Variants in HS6ST3 observed in about 807,000 individuals in gnomAD.
HS6ST3 encodes the protein heparan sulfate 6-O-sulfotransferase 3.
HS6ST3 carries 12 observed loss-of-function variants against 36.7 expected under a neutral mutation model. The observed-to-expected ratio is 0.33, with a 90% CI of 0.21 to 0.53. The LOEUF is 0.53. Among genes scored for constraint, HS6ST3 ranks in the 20% least tolerant of loss-of-function variants. HS6ST3 has a pLI of 0.95. For synonymous variants in HS6ST3, 240 were observed against 257.5 expected, an observed-to-expected ratio of 0.93 and a Z score of 0.65; for missense variants, 584 against 640.9, an observed-to-expected ratio of 0.91 and a Z score of 0.96.
chr13:96,645,909 G>C (rs972438221), intron 1 of HS6ST3, among the ~76,000 whole-genome samples: 1 of 151,824 alleles, frequency 6.6e-6, no homozygotes, highest in Non-Finnish European at 1.5e-5. Context: ...TGTTTACCCA[G>C]TGGTCTACTT....
chr13:96,813,674 T>C (rs192081165), intron 1 of HS6ST3, among the ~76,000 whole-genome samples: 10 of 152,294 alleles, frequency 6.6e-5, no homozygotes, highest in Admixed American at 3.9e-4. Context: ...AACATTCACA[T>C]CTGGCCTTCA....
chr13:96,224,951 T>G (rs1237501109), intron 1 of HS6ST3, among the ~76,000 whole-genome samples: 1 of 152,226 alleles, frequency 6.6e-6, no homozygotes, highest in Non-Finnish European at 1.5e-5. Context: ...GCATTGTTAC[T>G]GGGAGTGTGT....
At chr13:96,387,417 T>C (rs1236478565) in intron 1 of HS6ST3, among the ~76,000 whole-genome samples, 1 of 152,234 alleles carries the variant, frequency 6.6e-6, no homozygotes, top group Non-Finnish European at 1.5e-5. Context: ...GATTAGATGG[T>C]TGAGCCATAA....
intron 1 of HS6ST3, among the ~76,000 whole-genome samples, chr13:96,182,338 A>G (rs1231804066): frequency 6.6e-6 from 1 of 152,218 alleles, no homozygotes. Context: ...GCTGGGCCAT[A>G]AAGGCGATGT....
intron 1 of HS6ST3, among the ~76,000 whole-genome samples, chr13:96,147,186 A>G (rs2054062262): frequency 6.6e-6 from 1 of 152,256 alleles, no homozygotes; most frequent in Non-Finnish European, 1.5e-5. Context: ...GGATTAGCTC[A>G]ATTATTAATC....
intron 1 of HS6ST3, among the ~76,000 whole-genome samples, chr13:96,308,955 A>G (rs2054927048): frequency 6.6e-6 from 1 of 152,160 alleles, no homozygotes; most frequent in Non-Finnish European, 1.5e-5. Context: ...AGCGTTAAGG[A>G]GAGAAATTAT....
chr13:96,170,756 G>T (rs1401029683), intron 1 of HS6ST3, among the ~76,000 whole-genome samples: 1 of 152,194 alleles, frequency 6.6e-6, no homozygotes, highest in Non-Finnish European at 1.5e-5. Context: ...CACAGGAAGT[G>T]GTAGAAATGC....
chr13:96,825,573 G>A (rs1878630497), intron 1 of HS6ST3, among the ~76,000 whole-genome samples: 1 of 152,140 alleles, frequency 6.6e-6, no homozygotes, highest in Non-Finnish European at 1.5e-5. Flanking sequence ...GCTGCTGAAT[G>A]TCTCCTGTGA....
chr13:96,155,350 A>T (rs2054105479), intron 1 of HS6ST3, among the ~76,000 whole-genome samples: 1 of 151,776 alleles, frequency 6.6e-6, no homozygotes, highest in Non-Finnish European at 1.5e-5. Flanking sequence ...TAACAAAAAA[A>T]ACAGCTTTTC....
chr13:96,775,354 G>A (rs1445649859), intron 1 of HS6ST3, among the ~76,000 whole-genome samples: 1 of 151,838 alleles, frequency 6.6e-6, no homozygotes, highest in Non-Finnish European at 1.5e-5. Context: ...AATGTAAACA[G>A]GTTAAATGCC....
chr13:96,823,818 C>T (rs1346683788), intron 1 of HS6ST3, among the ~76,000 whole-genome samples: 1 of 152,026 alleles, frequency 6.6e-6, no homozygotes, highest in Non-Finnish European at 1.5e-5. Context: ...TAGGGTTTCG[C>T]CATGTTGGCC....
At chr13:96,371,826 T>C (rs1363007105) in intron 1 of HS6ST3, among the ~76,000 whole-genome samples, 1 of 152,202 alleles carries the variant, frequency 6.6e-6, no homozygotes, top group African/African-American at 2.4e-5. Flanking sequence ...TAGTATTCTA[T>C]TGCATATATA....
rs142483526 is a variant in HS6ST3, at chr13:96,397,077, G to A, written c.707+305508G>A. On this transcript the variant is annotated intron_variant, in intron 1 of 1. Coordinates refer to ENST00000376705, the MANE Select transcript of HS6ST3 (RefSeq NM_153456.4). ...AAATTAGCTGGGCGTGATAGTGGGC[G>A]CCTGTAATCCCAGCTACTAGGGAGC... Among the ~76,000 whole-genome samples the A allele has an allele frequency of 3.6e-3, 545 of 152,120 alleles. 8 individuals are homozygous for A. The highest frequency in any genetic ancestry group is 0.024 in the East Asian group (124 of 5,150).
At chr13:96,308,907 A>G (rs1045691190) in intron 1 of HS6ST3, among the ~76,000 whole-genome samples, 1 of 152,128 alleles carries the variant, frequency 6.6e-6, no homozygotes, top group Admixed American at 6.5e-5. Flanking sequence ...GGAAATCAAG[A>G]AACTTCCTGG....
intron 1 of HS6ST3, among the ~76,000 whole-genome samples, chr13:96,171,631 T>G (rs2054188184): frequency 1.3e-5 from 2 of 152,248 alleles, no homozygotes; most frequent in Non-Finnish European, 1.5e-5. Flanking sequence ...GTGGCAGAGG[T>G]TCTCAGAATT....
At chr13:96,240,733 C>A (rs1034176534) in intron 1 of HS6ST3, among the ~76,000 whole-genome samples, 2 of 152,130 alleles carry the variant, frequency 1.3e-5, no homozygotes, top group Admixed American at 6.5e-5. Context: ...TGTACTTTAT[C>A]CTAAACCTGG....
intron 1 of HS6ST3, among the ~76,000 whole-genome samples, chr13:96,641,263 T>C (rs1158250343): frequency 6.6e-6 from 1 of 151,910 alleles, no homozygotes; most frequent in Non-Finnish European, 1.5e-5. Flanking sequence ...TAGGTACTTT[T>C]TGTTGTTGTT....
chr13:96,830,519 G>A (rs1878756398), intron 1 of HS6ST3, among the ~76,000 whole-genome samples: 1 of 152,142 alleles, frequency 6.6e-6, no homozygotes, highest in African/African-American at 2.4e-5. Context: ...CTATATACAT[G>A]TATTTATTTT....
At chr13:96,198,612 C>A (rs1360454527) in intron 1 of HS6ST3, among the ~76,000 whole-genome samples, 3 of 152,314 alleles carry the variant, frequency 2.0e-5, no homozygotes, top group Non-Finnish European at 4.4e-5. Flanking sequence ...AGGGCAGGGG[C>A]AAAATGCTGG....
Sources: gnomAD v4.1 joint callset for allele counts (sites outside exome capture counted in the v4.1 genomes callset) on GRCh38, gnomAD v4.1.1 for gene constraint, MANE v1.5 for transcripts, NCBI Gene and HGNC (gene_info 2026-07-23, HGNC 2026-07-21) for gene names.